Variants in CUL4A observed in about 807,000 individuals in gnomAD.
The protein encoded by CUL4A is cullin 4A.
Under a neutral mutation model 95.5 loss-of-function variants are expected in CUL4A, and 16 were observed. The observed-to-expected ratio is 0.17, with a 90% CI of 0.11 to 0.25. CUL4A has a LOEUF of 0.25. Among genes scored for constraint, CUL4A ranks in the 10% least tolerant of loss-of-function variants. CUL4A has a pLI of 1.00. For missense variants in CUL4A, 610 were observed against 937.0 expected (o/e 0.65, Z 4.56); for synonymous variants, 380 against 353.1 (o/e 1.08, Z -0.85).
chr13:113,258,643 G>C (rs552403079), intron 18 of CUL4A, among the ~76,000 whole-genome samples: 2 of 152,178 alleles, frequency 1.3e-5, no homozygotes, highest in South Asian at 2.1e-4. Flanking sequence ...TAACAATAAA[G>C]AATAAGTCCT....
intron 18 of CUL4A, among the ~76,000 whole-genome samples, chr13:113,255,609 T>C (rs2042101191): frequency 6.6e-6 from 1 of 152,196 alleles, no homozygotes; most frequent in Non-Finnish European, 1.5e-5. Context: ...ACCCTGTTAC[T>C]GTCACCATAG....
upstream of CUL4A, chr13:113,208,416 C>A (rs932546728): frequency 2.0e-6 from 3 of 1,485,040 alleles, no homozygotes; most frequent in South Asian, 4.0e-5. Flanking sequence ...GGGGAGAACT[C>A]GGGCCGCCTT....
At chr13:113,255,233 A>T in intron 18 of CUL4A, 108 bp downstream of exon 18, 1 of 730,852 alleles carries the variant, frequency 1.4e-6, no homozygotes, top group Non-Finnish European at 2.2e-6. Flanking sequence ...TTCTACAATA[A>T]TCCAATTTCA....
intron 3 of CUL4A, among the ~76,000 whole-genome samples, chr13:113,222,285 T>A (rs1438555324): frequency 6.6e-6 from 1 of 152,142 alleles, no homozygotes; most frequent in Non-Finnish European, 1.5e-5. Flanking sequence ...AAGAAGTTAG[T>A]GTGCCTGTGT....
In CUL4A at chr13:113,229,504, C is replaced by T. The variant is rs1321239940; in HGVS notation, c.497C>T (p.Thr166Met). ...CGCACCTATGTGCTGCAGAACTCCA[C>T]GCTGCCCTCCATCTGGTGAGTGTCC... ...LDRTYVLQNS[T>M]LPSIWDMGLE... The change falls in exon 5 of 20, where the codon ACG becomes ATG. Residue 166 changes from threonine to methionine, a missense_variant. Thr to Met is a moderately conservative substitution (Grantham distance 81, BLOSUM62 -1). Around this residue, in one of 10 missense-constraint regions of CUL4A, gnomAD observed 97 missense variants for 100.3 expected, o/e 0.97. Transcript: ENST00000375440. 4 of 1,613,296 alleles carry T rather than the reference C, an allele frequency of 2.5e-6. No individual in the cohort carries two copies. The highest frequency in any genetic ancestry group is 1.1e-5 in the South Asian group (1 of 91,030).
rs776180777 is a variant in CUL4A, at chr13:113,245,140, T to C, written c.1445-12T>C. On this transcript the variant is annotated splice_polypyrimidine_tract_variant and intron_variant, in intron 13 of 19. Transcript: ENST00000375440. ...GTTACCCCGATCTCACTCCCTCCTT[T>C]GCTGTGTCCAGAGTGCGGTGCAGCC... is the stretch of plus-strand genomic sequence containing the variant. The C allele has an allele frequency of 3.8e-5, 61 of 1,613,990 alleles. No homozygotes were observed. The highest frequency in any genetic ancestry group is 4.9e-5 in the Non-Finnish European group (58 of 1,179,954).
At chr13:113,237,362 G>A (rs1013385075) in intron 9 of CUL4A, among the ~76,000 whole-genome samples, 2 of 152,222 alleles carry the variant, frequency 1.3e-5, no homozygotes, top group Non-Finnish European at 2.9e-5. Flanking sequence ...CTTAAGCAGA[G>A]TATACTTTTC....
At chr13:113,213,193 G>A (rs2040517205) in intron 2 of CUL4A, among the ~76,000 whole-genome samples, 1 of 152,120 alleles carries the variant, frequency 6.6e-6, no homozygotes, top group Non-Finnish European at 1.5e-5. Context: ...TTCGAGACCA[G>A]CCTAGGCAAC....
intron 2 of CUL4A, among the ~76,000 whole-genome samples, chr13:113,213,765 T>C (rs1478527940): frequency 1.3e-5 from 2 of 152,222 alleles, no homozygotes; most frequent in Non-Finnish European, 2.9e-5. Context: ...TGACAGTCAC[T>C]GGTTCCTCCT....
rs2041352049 is a variant in CUL4A, at chr13:113,232,125, GTCACCACTACCCGCCCACCACCA to G, written c.513-1050_513-1028del. ...CCACTACCCGCCCACCACCATTACT[GTCACCACTACCCGCCCACCACCA>G]TTACTGCTGCCACCACTACCCGCCC... On this transcript the variant is annotated intron_variant, in intron 5 of 19. Transcript: ENST00000375440. 2.1e-5 allele frequency among the ~76,000 whole-genome samples: 3 copies of G among 143,300 alleles called. 1 individual carries two copies. The highest frequency in any genetic ancestry group is 8.7e-5 in the African/African-American group (3 of 34,536). 94.0% of individuals were successfully genotyped at this position (143,300 alleles called of 152,430 possible). A position where few individuals can be genotyped will look rare whatever the true frequency, so the allele number is the denominator to read the frequency against.
chr13:113,258,685 G>A (rs1468891685), intron 18 of CUL4A, among the ~76,000 whole-genome samples: 4 of 152,228 alleles, frequency 2.6e-5, no homozygotes, highest in African/African-American at 9.6e-5. Flanking sequence ...TTTTCCAGCA[G>A]AGAGGTAGCA....
intron 5 of CUL4A, 99 bp from the exon 6 acceptor site, chr13:113,233,078 A>C: frequency 1.6e-6 from 2 of 1,285,448 alleles, no homozygotes; most frequent in South Asian, 3.0e-5. Flanking sequence ...TAGCAACTTC[A>C]CATTTTTGGG....
intron 2 of CUL4A, among the ~76,000 whole-genome samples, chr13:113,212,266 C>T (rs1346116362): frequency 6.6e-6 from 1 of 152,150 alleles, no homozygotes; most frequent in South Asian, 2.1e-4. Flanking sequence ...TCTTTTGATT[C>T]TCTTAACTGT....
intron 2 of CUL4A, among the ~76,000 whole-genome samples, chr13:113,217,977 C>T (rs921721150): frequency 3.9e-5 from 6 of 152,260 alleles, no homozygotes; most frequent in African/African-American, 1.4e-4. Context: ...TGGCTCATGC[C>T]TGTAATCCCA....
In CUL4A at chr13:113,229,446, A is replaced by G. The variant is rs759100047; in HGVS notation, c.439A>G (p.Ile147Val). ...TCWQDHCRQM[I>V]MIRSIFLFLD... ...AATGGTTCTCCTTTCTGCTGGTCAG[A>G]TCATGATCAGAAGCATCTTCCTGTT... Residue 147 changes from isoleucine (I) to valine (V), a missense_variant and splice_region_variant, in exon 5 of 20, where the codon ATC becomes GTC. Physicochemically the swap from Ile to Val is conservative, Grantham distance 29. Transcript: ENST00000375440. 1.4e-5 allele frequency: 22 copies of G among 1,613,422 alleles called. No homozygotes were observed. Among genetic ancestry groups the G allele is most frequent in the Non-Finnish European group, 1.8e-5 (21 of 1,179,912 alleles).
chr13:113,233,819 C>A, intron 6 of CUL4A, 78 bp from the exon 7 acceptor site: 1 of 887,070 alleles, frequency 1.1e-6, no homozygotes, highest in Non-Finnish European at 1.9e-6. Flanking sequence ...CCTGCCCCGT[C>A]AGAAACTGGG....
chr13:113,209,879 AGCGGGGGC>A, intron 1 of CUL4A, 86 bp from the exon 2 acceptor site: 1 of 1,149,010 alleles, frequency 8.7e-7, no homozygotes. Flanking sequence ...GGGCCCCGGG[AGCGGGGGC>A]GCCGGGGCGC....
chr13:113,261,266 G>A (rs1004122344), intron 19 of CUL4A, among the ~76,000 whole-genome samples: 15 of 152,186 alleles, frequency 9.9e-5, no homozygotes, highest in African/African-American at 3.6e-4. Flanking sequence ...GATAAGCCGG[G>A]AAAGTATTAT....
At chr13:113,237,760 A>G (rs1357658179) in intron 9 of CUL4A, among the ~76,000 whole-genome samples, 2 of 152,224 alleles carry the variant, frequency 1.3e-5, no homozygotes, top group South Asian at 2.1e-4. Context: ...ATGGTATTCA[A>G]ATATATTCTG....
Sources: allele counts gnomAD v4.1 joint callset (sites outside exome capture counted in the v4.1 genomes callset), GRCh38; gene constraint gnomAD v4.1.1; regional missense constraint gnomAD v4.1.1; transcripts MANE v1.5; gene names NCBI Gene and HGNC (gene_info 2026-07-23, HGNC 2026-07-21).